Variants in TLL2 observed in about 807,000 individuals in gnomAD.
The protein encoded by TLL2 is tolloid like 2.
A neutral mutation model predicts 123.0 loss-of-function variants in TLL2; 106 were observed. The observed-to-expected ratio is 0.86, with a 90% CI of 0.74 to 1.01. TLL2 has a LOEUF of 1.01. Among genes scored for constraint, TLL2 ranks in the 50% least tolerant of loss-of-function variants. The pLI, the probability that TLL2 is intolerant of heterozygous loss-of-function variation, is 0.00. For missense variants in TLL2, 1,332 were observed against 1,336.7 expected (o/e 1.00, Z 0.06); for synonymous variants, 494 against 516.8 (o/e 0.96, Z 0.60).
At chr10:96,444,281 C>T (rs758837026) in intron 3 of TLL2, among the ~76,000 whole-genome samples, 5 of 152,174 alleles carry the variant, frequency 3.3e-5, no homozygotes, top group African/African-American at 9.7e-5. Flanking sequence ...TGTTCAGTAA[C>T]GTTTACTGCA....
intron 1 of TLL2, among the ~76,000 whole-genome samples, chr10:96,482,745 T>G (rs768542521): frequency 1.2e-4 from 19 of 152,220 alleles, no homozygotes; most frequent in Admixed American, 3.9e-4. Flanking sequence ...GGATTGTAGT[T>G]ATGGTTACAC....
At chr10:96,448,296 C>T (rs994994316) in intron 2 of TLL2, among the ~76,000 whole-genome samples, 3 of 152,200 alleles carry the variant, frequency 2.0e-5, no homozygotes, top group South Asian at 2.1e-4. Context: ...CATTTCCTCT[C>T]GGGCTAAAGG....
Position 96,397,229 on chromosome 10 carries a change from G to A in TLL2, c.1341C>T (p.Ser447=), listed in dbSNP as rs2134063584. 6.2e-7 allele frequency: 1 copy of A among 1,613,974 alleles called. No homozygotes were observed. Residue 447 remains serine (S), a synonymous_variant, in exon 11 of 21, where the codon AGC becomes AGT. Coordinates refer to ENST00000357947, the MANE Select transcript of TLL2 (RefSeq NM_012465.4). Reference sequence around the variant, plus strand: ...AGCCCTTGCCCAAGATGTTGCTGCTGCTGCGGAACTCCACCCAGAGCCGGC... The same window carrying A: ...AGCCCTTGCCCAAGATGTTGCTGCTACTGCGGAACTCCACCCAGAGCCGGC... ...TDSRLWVEFR[S]SSNILGKGFF...
intron 10 of TLL2, among the ~76,000 whole-genome samples, chr10:96,405,022 T>C (rs1348378189): frequency 1.3e-5 from 2 of 152,232 alleles, no homozygotes; most frequent in Non-Finnish European, 2.9e-5. Flanking sequence ...CTAGGATGAA[T>C]TCCAAAAAGT....
chr10:96,405,414 C>A, intron 9 of TLL2, 80 bp from the exon 10 acceptor site: 1 of 1,292,902 alleles, frequency 7.7e-7, no homozygotes, highest in Admixed American at 1.7e-5. Context: ...TACTGGTGTT[C>A]TCACGTTACC....
chr10:96,428,541 A>G (rs1389559858), intron 5 of TLL2, 90 bp downstream of exon 5: 1 of 844,206 alleles, frequency 1.2e-6, no homozygotes, highest in East Asian at 2.6e-5. Context: ...ATAACAGCTC[A>G]TTGGAAATAC....
At chr10:96,393,230 T>C (rs1342594455) in intron 13 of TLL2, among the ~76,000 whole-genome samples, 2 of 152,216 alleles carry the variant, frequency 1.3e-5, no homozygotes, top group Admixed American at 1.3e-4. Context: ...GTGCATTGTT[T>C]TAAGCCACCA....
chr10:96,421,858 AAAAC>A lies in TLL2; in HGVS notation c.817+687_817+690del, dbSNP rs564437731. On this transcript the variant is annotated intron_variant, in intron 6 of 20. Transcript: ENST00000357947. ...GTCTCAAAAAACAAACAAAAAAAAC[AAAAC>A]AAACAAACAAAAACCTGATCTTGCA... Among the ~76,000 whole-genome samples, 147 of 151,448 alleles carry A rather than the reference AAAAC, an allele frequency of 9.7e-4. 1 individual carries two copies. The highest frequency in any genetic ancestry group is 3.5e-3 in the African/African-American group (142 of 40,790).
At chr10:96,472,625 G>A (rs11188780) in intron 2 of TLL2, among the ~76,000 whole-genome samples, 49,238 of 151,758 alleles carry the variant, frequency 0.32, 8,383 homozygotes, top group Middle Eastern at 0.47. Context: ...AGCCAGGCAC[G>A]GTGACATGTG....
In TLL2 at chr10:96,422,553, C is replaced by G. The variant is rs1165347822; in HGVS notation, c.813G>C (p.Gln271His). The change falls in exon 6 of 21, where the codon CAG becomes CAC. Residue 271 changes from glutamine (Q) to histidine (H), a missense_variant. By Grantham distance (24) the Gln-to-His change is conservative. Transcript: ENST00000357947. ...QHVTIIRENI[Q>H]PGQEYNFLKM... ...ACTCCACACAGGCCTCCTTACCTGG[C>G]TGGATGTTTTCCCTGATGATGGTGA... 2 of 1,613,928 alleles carry G rather than the reference C, an allele frequency of 1.2e-6. No individual in the cohort carries two copies. The highest frequency in any genetic ancestry group is 4.5e-5 in the East Asian group (2 of 44,884).
intron 2 of TLL2, among the ~76,000 whole-genome samples, chr10:96,455,114 T>C (rs1245980174): frequency 6.6e-6 from 1 of 152,002 alleles, no homozygotes; most frequent in Non-Finnish European, 1.5e-5. Flanking sequence ...TGGTGGCGGG[T>C]GCCTATAGTC....
chr10:96,461,479 C>T (rs1409836944), intron 2 of TLL2, among the ~76,000 whole-genome samples: 1 of 152,174 alleles, frequency 6.6e-6, no homozygotes, highest in African/African-American at 2.4e-5. Flanking sequence ...CAAGCTCTGC[C>T]TGAATCTGAT....
chr10:96,402,880 T>A (rs1448627895), intron 10 of TLL2, among the ~76,000 whole-genome samples: 2 of 152,202 alleles, frequency 1.3e-5, no homozygotes, highest in Admixed American at 6.5e-5. Context: ...GGGCTCGGTC[T>A]AGCAGTGACA....
chr10:96,469,553 G>A (rs1847159033), intron 2 of TLL2, among the ~76,000 whole-genome samples: 1 of 152,196 alleles, frequency 6.6e-6, no homozygotes, highest in Admixed American at 6.5e-5. Context: ...TCCCGCCTGG[G>A]TGACAGCTGT....
chr10:96,409,108 C>T (rs1426700960), intron 9 of TLL2, among the ~76,000 whole-genome samples: 1 of 152,222 alleles, frequency 6.6e-6, no homozygotes, highest in Non-Finnish European at 1.5e-5. Flanking sequence ...TGAAGGTTGG[C>T]TACAGGTGCC....
chr10:96,377,275 T>C (rs1481617566), intron 17 of TLL2, among the ~76,000 whole-genome samples: 2 of 152,232 alleles, frequency 1.3e-5, no homozygotes, highest in Non-Finnish European at 2.9e-5. Context: ...TGCCAGCCCA[T>C]GGTAAGTGCT....
intron 1 of TLL2, among the ~76,000 whole-genome samples, chr10:96,499,346 G>T (rs1025321734): frequency 6.6e-6 from 1 of 152,198 alleles, no homozygotes; most frequent in Non-Finnish European, 1.5e-5. Flanking sequence ...GGGTGGAGGT[G>T]GGGGTGGCTT....
chr10:96,491,141 G>A (rs944948185), intron 1 of TLL2, among the ~76,000 whole-genome samples: 2 of 152,186 alleles, frequency 1.3e-5, no homozygotes, highest in African/African-American at 4.8e-5. Context: ...AGAACTTTGG[G>A]AGGCTGGGGC....
intron 1 of TLL2, among the ~76,000 whole-genome samples, chr10:96,512,365 A>G (rs1273024964): frequency 6.6e-6 from 1 of 152,202 alleles, no homozygotes; most frequent in East Asian, 1.9e-4. Flanking sequence ...TCCTCCTATA[A>G]TTACTGCCAC....
Sources: gnomAD v4.1 joint callset for allele counts (sites outside exome capture counted in the v4.1 genomes callset) on GRCh38, gnomAD v4.1.1 for gene constraint, MANE v1.5 for transcripts, NCBI Gene and HGNC (gene_info 2026-07-23, HGNC 2026-07-21) for gene names.